FBN2: variants seen among roughly 807,000 people sequenced by gnomAD.
FBN2 encodes the protein fibrillin-2.
FBN2 carries 105 observed loss-of-function variants against 355.6 expected under a neutral mutation model. The observed-to-expected ratio is 0.30, with a 90% CI of 0.25 to 0.35. The LOEUF (loss-of-function observed/expected upper bound fraction) is 0.35. FBN2 is among the 10% of genes least tolerant of loss of function. The probability of loss-of-function intolerance (pLI) is 1.00; values close to 1 mark genes in which losing one functional copy is unlikely to be tolerated. For missense variants in FBN2, 3,280 were observed against 3,758.7 expected, an observed-to-expected ratio of 0.87 and a Z score of 3.33; for synonymous variants, 1,350 against 1,301.2, an observed-to-expected ratio of 1.04 and a Z score of -0.81.
intron 7 of FBN2, among the ~76,000 whole-genome samples, chr5:128,418,989 ATTTG>A (rs1184561552): frequency 6.6e-6 from 1 of 152,144 alleles, no homozygotes; most frequent in Non-Finnish European, 1.5e-5. Context: ...CATGGTGTAT[ATTTG>A]TTTATTTAGA....
intron 5 of FBN2, among the ~76,000 whole-genome samples, chr5:128,516,059 T>A (rs1284033352): frequency 6.6e-6 from 1 of 152,194 alleles, no homozygotes; most frequent in Non-Finnish European, 1.5e-5. Flanking sequence ...ACAGGCCACA[T>A]TTGCGATCAA....
At chr5:128,399,714 T>C (rs1396254760) in intron 8 of FBN2, among the ~76,000 whole-genome samples, 1 of 152,142 alleles carries the variant, frequency 6.6e-6, no homozygotes, top group Admixed American at 6.6e-5. Flanking sequence ...CACTTAAATA[T>C]TCTTTTATTA....
intron 5 of FBN2, among the ~76,000 whole-genome samples, chr5:128,518,709 G>A (rs924581593): frequency 6.6e-6 from 1 of 152,148 alleles, no homozygotes; most frequent in Admixed American, 6.5e-5. Context: ...CTTAGTGACT[G>A]CTGACAGCCA....
At chr5:128,334,468 A>G (rs1234740556) in intron 31 of FBN2, among the ~76,000 whole-genome samples, 1 of 152,128 alleles carries the variant, frequency 6.6e-6, no homozygotes, top group Admixed American at 6.5e-5. Context: ...CATGGGAACC[A>G]GACTGTACTC....
rs146458042 is a variant in FBN2, at chr5:128,424,097, T to C, written c.953-15298A>G. On this transcript the variant is annotated intron_variant, in intron 7 of 64. Transcript: ENST00000262464. ...GAGCTGAAGACTCGGTCTGTGTATG[T>C]TGAGTTTGAGATAATTGTGGGATGT... Among the ~76,000 whole-genome samples, 395 of 152,188 alleles carry C rather than the reference T, an allele frequency of 2.6e-3. 1 individual carries two copies. Among genetic ancestry groups the C allele is most frequent in the Non-Finnish European group, 4.6e-3 (314 of 67,980 alleles).
intron 8 of FBN2, among the ~76,000 whole-genome samples, chr5:128,404,538 C>A (rs151277494): frequency 6.6e-6 from 1 of 152,206 alleles, no homozygotes; most frequent in Admixed American, 6.5e-5. Flanking sequence ...CAAAGAGATG[C>A]CAAAGGCTGC....
intron 5 of FBN2, among the ~76,000 whole-genome samples, chr5:128,479,918 C>A (rs1755106221): frequency 7.8e-6 from 1 of 128,388 alleles, no homozygotes; most frequent in African/African-American, 3.0e-5. Flanking sequence ...CAGAACAAGA[C>A]CTTGTCTCCT....
chr5:128,469,547 A>AG (rs1754801039), intron 5 of FBN2, among the ~76,000 whole-genome samples: 1 of 151,186 alleles, frequency 6.6e-6, no homozygotes. Context: ...AAAAAAAAAA[A>AG]GTCAGTGGAG....
chr5:128,333,681 CGT>C (rs200082147), intron 31 of FBN2, among the ~76,000 whole-genome samples: 68 of 148,720 alleles, frequency 4.6e-4, no homozygotes, highest in East Asian at 1.2e-3. Flanking sequence ...TGTGTGTGTG[CGT>C]GTGTGTGTGT....
At chr5:128,306,896 C>T (rs944993550) in intron 42 of FBN2, among the ~76,000 whole-genome samples, 2 of 152,128 alleles carry the variant, frequency 1.3e-5, no homozygotes, top group Non-Finnish European at 2.9e-5. Flanking sequence ...GTGGATGTGA[C>T]AAATATCGAG....
chr5:128,512,306 G>A (rs1275802303), intron 5 of FBN2, among the ~76,000 whole-genome samples: 3 of 152,096 alleles, frequency 2.0e-5, no homozygotes, highest in African/African-American at 7.2e-5. Context: ...GAGGTCAGGA[G>A]TTTGAGACCA....
chr5:128,411,697 T>C (rs966099901), intron 7 of FBN2, among the ~76,000 whole-genome samples: 7 of 152,148 alleles, frequency 4.6e-5, no homozygotes, highest in African/African-American at 1.7e-4. Context: ...AAAGGCAACA[T>C]TCGGGCAGGA....
chr5:128,390,026 A>C (rs1752468669), intron 11 of FBN2, among the ~76,000 whole-genome samples: 1 of 152,066 alleles, frequency 6.6e-6, no homozygotes. Context: ...TTTTAACTCC[A>C]TGCGGAAATC....
At chr5:128,516,112 G>T (rs1756274635) in intron 5 of FBN2, among the ~76,000 whole-genome samples, 1 of 152,114 alleles carries the variant, frequency 6.6e-6, no homozygotes, top group Non-Finnish European at 1.5e-5. Context: ...GTAAATCTAT[G>T]TCTTGTCTAC....
At chr5:128,288,690 G>T in intron 52 of FBN2, 133 bp from the exon 53 acceptor site, 1 of 998,992 alleles carries the variant, frequency 1.0e-6, no homozygotes, top group Non-Finnish European at 1.6e-6. Context: ...CATCCCTTGG[G>T]CCTTGGCTGG....
intron 34 of FBN2, among the ~76,000 whole-genome samples, chr5:128,320,275 C>T (rs1750333647): frequency 6.6e-6 from 1 of 151,264 alleles, no homozygotes; most frequent in African/African-American, 2.4e-5. Flanking sequence ...GGAGTAGTAG[C>T]ACGATCATGG....
At chr5:128,474,869 G>T (rs1205234432) in intron 5 of FBN2, among the ~76,000 whole-genome samples, 3 of 152,198 alleles carry the variant, frequency 2.0e-5, no homozygotes, top group African/African-American at 4.8e-5. Context: ...CATTACTGGG[G>T]TTGTCGTTAC....
intron 6 of FBN2, among the ~76,000 whole-genome samples, chr5:128,450,364 A>G (rs1195197632): frequency 6.6e-6 from 1 of 152,154 alleles, no homozygotes; most frequent in Non-Finnish European, 1.5e-5. Flanking sequence ...GAGTTAAACT[A>G]GAAAGTAATA....
chr5:128,366,434 T>C lies in FBN2; in HGVS notation c.2249-4A>G. On this transcript the variant is annotated splice_polypyrimidine_tract_variant and splice_region_variant and intron_variant, in intron 16 of 64. Transcript: ENST00000262464. ...CTACAAAGGCCGTGGAATTCAGCTG[T>C]ATGACAAAAAGAAATAGAAGAATTA... 2 of 1,596,690 alleles carry C rather than the reference T, an allele frequency of 1.3e-6. No individual in the cohort carries two copies. Among genetic ancestry groups the C allele is most frequent in the Non-Finnish European group, 1.7e-6 (2 of 1,165,988 alleles).
Sources: allele counts gnomAD v4.1 joint callset (sites outside exome capture counted in the v4.1 genomes callset), GRCh38; gene constraint gnomAD v4.1.1; transcripts MANE v1.5; gene names NCBI Gene and HGNC (gene_info 2026-07-23, HGNC 2026-07-21).